Variants in CAST observed in about 807,000 individuals in gnomAD.
CAST encodes MIR583 host.
A neutral mutation model predicts 119.6 loss-of-function variants in CAST; 76 were observed. That is an observed-to-expected ratio of 0.64 (90% confidence interval 0.53 to 0.77). CAST has a LOEUF of 0.77. CAST is among the 30% of genes least tolerant of loss of function. The probability of loss-of-function intolerance (pLI) is 0.00; values close to 1 mark genes in which losing one functional copy is unlikely to be tolerated. For missense variants in CAST, 953 were observed against 946.5 expected, an observed-to-expected ratio of 1.01 and a Z score of -0.09; for synonymous variants, 319 against 331.6, an observed-to-expected ratio of 0.96 and a Z score of 0.41.
chr5:96,729,965 C>T (rs774048116), intron 8 of CAST, among the ~76,000 whole-genome samples: 61 of 152,332 alleles, frequency 4.0e-4, no homozygotes, highest in Non-Finnish European at 7.9e-4. Flanking sequence ...CGTCCTTCTC[C>T]TACTGCCCAG....
At chr5:96,367,770 C>T in the CAST span, among the ~76,000 whole-genome samples, 1 of 152,192 alleles carries the variant, frequency 6.6e-6, no homozygotes, top group Non-Finnish European at 1.5e-5. Flanking sequence ...CCTTGTGCTT[C>T]CCGGGTGAGG....
the CAST span, among the ~76,000 whole-genome samples, chr5:96,327,189 T>C: frequency 6.6e-6 from 1 of 152,240 alleles, no homozygotes; most frequent in Non-Finnish European, 1.5e-5. Context: ...TAATAACACC[T>C]GAATCTCAAA....
the CAST span, among the ~76,000 whole-genome samples, chr5:96,076,091 C>A: frequency 6.6e-6 from 1 of 152,138 alleles, no homozygotes; most frequent in African/African-American, 2.4e-5. Flanking sequence ...TGGACAACCA[C>A]GCCCTAGGTC....
chr5:96,651,986 G>T (rs1304577343), intron 1 of CAST, among the ~76,000 whole-genome samples: 1 of 152,164 alleles, frequency 6.6e-6, no homozygotes, highest in Non-Finnish European at 1.5e-5. Context: ...GCCCTGCAAG[G>T]TATATATTAG....
At chr5:96,649,353 C>T (rs973603609) in intron 1 of CAST, among the ~76,000 whole-genome samples, 4 of 152,156 alleles carry the variant, frequency 2.6e-5, no homozygotes, top group Non-Finnish European at 5.9e-5. Context: ...CAGATGTTTT[C>T]TTTTAATAAG....
the CAST span, among the ~76,000 whole-genome samples, chr5:96,106,822 G>A: frequency 1.4e-5 from 2 of 145,156 alleles, no homozygotes; most frequent in Non-Finnish European, 3.0e-5. Context: ...TGACAGTGGG[G>A]TGTTAAAGTC....
chr5:96,547,788 G>A (rs749949895), intron 1 of CAST, among the ~76,000 whole-genome samples: 1 of 152,134 alleles, frequency 6.6e-6, no homozygotes, highest in African/African-American at 2.4e-5. Context: ...ATAGACTACT[G>A]TCCTTACTTC....
the CAST span, among the ~76,000 whole-genome samples, chr5:96,481,438 C>G: frequency 6.6e-6 from 1 of 152,256 alleles, no homozygotes; most frequent in East Asian, 1.9e-4. Context: ...CCTACCCACT[C>G]TAAGAGACAA....
the CAST span, among the ~76,000 whole-genome samples, chr5:96,154,228 A>C: frequency 6.6e-6 from 1 of 152,042 alleles, no homozygotes; most frequent in Non-Finnish European, 1.5e-5. Flanking sequence ...CAGTGAGCCA[A>C]GATAGCGCCA....
the CAST span, among the ~76,000 whole-genome samples, chr5:96,219,323 T>C: frequency 2.6e-5 from 4 of 152,304 alleles, no homozygotes; most frequent in South Asian, 2.1e-4. Flanking sequence ...CCTAAGACGC[T>C]TCATTCAAAA....
chr5:96,173,754 T>TC, the CAST span, among the ~76,000 whole-genome samples: 4 of 152,000 alleles, frequency 2.6e-5, no homozygotes, highest in Non-Finnish European at 5.9e-5. Context: ...TTTTTTCTTT[T>TC]TTTTTTGTGA....
rs756670389 is a variant in CAST, at chr5:96,675,521, T to C, written c.76-18T>C. ...TGTCATCTTCCTTTATTAAGCATTA[T>C]TTTTTACTTTTTTATAGCATGTCAG... On this transcript the variant is annotated intron_variant, in intron 1 of 31. Transcript: ENST00000675179. 4 of 1,580,354 alleles carry C rather than the reference T, an allele frequency of 2.5e-6. No individual in the cohort carries two copies. Among genetic ancestry groups the C allele is most frequent in the African/African-American group, 2.7e-5 (2 of 74,176 alleles).
the CAST span, among the ~76,000 whole-genome samples, chr5:96,511,298 C>A: frequency 6.6e-6 from 1 of 152,136 alleles, no homozygotes; most frequent in Non-Finnish European, 1.5e-5. Flanking sequence ...GCGCCCGCCA[C>A]CACGCCTGGC....
intron 3 of CAST, among the ~76,000 whole-genome samples, chr5:96,720,020 G>GGGA (rs1278813808): frequency 6.6e-6 from 1 of 152,146 alleles, no homozygotes; most frequent in Non-Finnish European, 1.5e-5. Context: ...AATAATTGTT[G>GGGA]GGAGTGATTA....
At chr5:96,486,752 A>G in the CAST span, among the ~76,000 whole-genome samples, 2 of 152,122 alleles carry the variant, frequency 1.3e-5, no homozygotes, top group Non-Finnish European at 2.9e-5. Context: ...ATGCACTTAC[A>G]TTGATAACAC....
chr5:96,033,052 G>A, the CAST span, among the ~76,000 whole-genome samples: 1 of 151,904 alleles, frequency 6.6e-6, no homozygotes, highest in South Asian at 2.1e-4. Flanking sequence ...AAAAAGAAAT[G>A]AAGAAAACTA....
the CAST span, among the ~76,000 whole-genome samples, chr5:96,315,078 C>A: frequency 2.0e-5 from 3 of 152,110 alleles, no homozygotes; most frequent in Non-Finnish European, 4.4e-5. Flanking sequence ...TGATTATAAA[C>A]CACATGTTAT....
At chr5:96,626,653 A>G (rs1747729615) in intron 1 of CAST, among the ~76,000 whole-genome samples, 1 of 152,032 alleles carries the variant, frequency 6.6e-6, no homozygotes, top group African/African-American at 2.4e-5. Context: ...CTCCCTAACC[A>G]CTTTCCACAA....
the CAST span, among the ~76,000 whole-genome samples, chr5:96,020,063 T>C: frequency 6.6e-6 from 1 of 152,230 alleles, no homozygotes; most frequent in Non-Finnish European, 1.5e-5. Flanking sequence ...ACTCAGCAAG[T>C]AAGATATTAT....
Sources: gnomAD v4.1 joint callset for allele counts (sites outside exome capture counted in the v4.1 genomes callset) on GRCh38, gnomAD v4.1.1 for gene constraint, MANE v1.5 for transcripts, NCBI Gene and HGNC (gene_info 2026-07-23, HGNC 2026-07-21) for gene names.